The following SUPT3H variants were observed in gnomAD, a reference collection of about 807,000 sequenced individuals.
The protein encoded by SUPT3H is SPT3 homolog, SAGA and STAGA complex component, also known as transcription initiation protein SPT3 homolog.
Under a neutral mutation model 44.3 loss-of-function variants are expected in SUPT3H, and 44 were observed. The observed-to-expected ratio is 0.99, with a 90% CI of 0.78 to 1.28. The LOEUF is 1.28. SUPT3H is among the 50% of genes most tolerant of loss of function. The pLI is 0.00. For synonymous variants in SUPT3H, 124 were observed against 125.6 expected (o/e 0.99, Z 0.09); for missense variants, 380 against 387.1 (o/e 0.98, Z 0.15).
chr6:44,970,307 T>A (rs561162558), intron 6 of SUPT3H, among the ~76,000 whole-genome samples: 6 of 152,268 alleles, frequency 3.9e-5, no homozygotes, highest in African/African-American at 1.4e-4. Flanking sequence ...ATATTTCCCA[T>A]CTTGGGATAA....
Position 45,018,243 on chromosome 6 carries a change from T to C in SUPT3H, c.273+2303A>G, listed in dbSNP as rs1012539275. Among the ~76,000 whole-genome samples the C allele has an allele frequency of 1.6e-4, 24 of 152,202 alleles. 1 individual carries two copies. Among genetic ancestry groups the C allele is most frequent in the Non-Finnish European group, 3.5e-4 (24 of 68,040 alleles). On this transcript the variant is annotated intron_variant, in intron 4 of 10. Coordinates refer to ENST00000371459, the MANE Select transcript of SUPT3H (RefSeq NM_003599.4). ...GTTGCTTATCAACTTAAGGAGATTT[T>C]GGGCTGAGACGATGGGGTTTTCTAG... is the stretch of plus-strand genomic sequence containing the variant.
At chr6:45,077,626 C>CAAAAAAAAAAAAAAAAAAAAAA (rs70993493) in intron 3 of SUPT3H, among the ~76,000 whole-genome samples, 52 of 33,996 alleles carry the variant, frequency 1.5e-3, no homozygotes, top group Non-Finnish European at 2.0e-3. Flanking sequence ...GACCTTGTTT[C>CAAAAAAAAAAAAAAAAAAAAAA]AAAAAAAAAA....
chr6:44,860,549 C>A (rs1774481162), intron 10 of SUPT3H, among the ~76,000 whole-genome samples: 2 of 152,264 alleles, frequency 1.3e-5, no homozygotes, highest in Non-Finnish European at 2.9e-5. Flanking sequence ...AACCAGGTCT[C>A]CCGACTCTTA....
At chr6:45,200,884 G>A (rs77865639) in intron 2 of SUPT3H, among the ~76,000 whole-genome samples, 3,726 of 151,480 alleles carry the variant, frequency 0.025, 158 homozygotes, top group African/African-American at 0.083. Context: ...GGTAATAAAT[G>A]TACCTTATTT....
chr6:45,105,717 ATAAGT>A (rs1320729993), intron 3 of SUPT3H, among the ~76,000 whole-genome samples, 200 bp downstream of exon 3: 1 of 152,236 alleles, frequency 6.6e-6, no homozygotes, highest in Admixed American at 6.5e-5. Flanking sequence ...TGATTGTGTT[ATAAGT>A]TAATATTATA....
At chr6:45,343,367 T>C (rs1790222300) in intron 2 of SUPT3H, among the ~76,000 whole-genome samples, 1 of 152,138 alleles carries the variant, frequency 6.6e-6, no homozygotes, top group East Asian at 1.9e-4. Flanking sequence ...TCACTTGATC[T>C]GTTTCAGAGT....
intron 10 of SUPT3H, among the ~76,000 whole-genome samples, chr6:44,877,138 A>G (rs1278998119): frequency 6.6e-6 from 1 of 152,132 alleles, no homozygotes; most frequent in East Asian, 1.9e-4. Context: ...GCCATTCAAC[A>G]TTTTACAAAA....
intron 6 of SUPT3H, among the ~76,000 whole-genome samples, chr6:44,962,974 A>G (rs544274388): frequency 5.9e-5 from 9 of 151,716 alleles, no homozygotes; most frequent in Non-Finnish European, 1.3e-4. Flanking sequence ...ATCCAAGTCT[A>G]TCTTGGTTAT....
At chr6:45,307,682 A>G (rs569148005) in intron 2 of SUPT3H, among the ~76,000 whole-genome samples, 1 of 152,302 alleles carries the variant, frequency 6.6e-6, no homozygotes, top group African/African-American at 2.4e-5. Flanking sequence ...AGCAGAACAG[A>G]AAAACTGAAA....
intron 5 of SUPT3H, among the ~76,000 whole-genome samples, chr6:45,005,042 A>T (rs943987945): frequency 2.6e-5 from 4 of 152,182 alleles, no homozygotes; most frequent in Admixed American, 6.6e-5. Context: ...TGTTTATGGC[A>T]TAGATTCACA....
intron 3 of SUPT3H, among the ~76,000 whole-genome samples, chr6:45,059,782 G>C (rs112166566): frequency 0.047 from 7,134 of 152,008 alleles, 573 homozygotes; most frequent in African/African-American, 0.16. Flanking sequence ...AAAATCACTA[G>C]TATTCCTATA....
At chr6:45,175,406 G>A (rs1163881888) in intron 2 of SUPT3H, among the ~76,000 whole-genome samples, 1 of 152,200 alleles carries the variant, frequency 6.6e-6, no homozygotes, top group African/African-American at 2.4e-5. Context: ...GAAGGAAGAA[G>A]TGCTGAGCAA....
intron 10 of SUPT3H, among the ~76,000 whole-genome samples, chr6:44,929,458 C>T (rs1230486232): frequency 2.6e-5 from 4 of 152,112 alleles, no homozygotes; most frequent in African/African-American, 9.7e-5. Context: ...TTTGGGATGA[C>T]ATGCTATGAA....
intron 10 of SUPT3H, among the ~76,000 whole-genome samples, chr6:44,907,332 T>C (rs1766270202): frequency 6.6e-6 from 1 of 152,176 alleles, no homozygotes; most frequent in Non-Finnish European, 1.5e-5. Flanking sequence ...GTATTAGCAT[T>C]GTACAATGGA....
rs16872755 is a variant in SUPT3H, at chr6:44,867,635, T to G, written c.913-37778A>C. Among the ~76,000 whole-genome samples, 1,725 of 152,196 alleles carry G rather than the reference T, an allele frequency of 0.011. 98 individuals carry two copies. The East Asian group carries it at 0.13, about 12-fold the overall frequency. On this transcript the variant is annotated intron_variant, in intron 10 of 10. Coordinates refer to ENST00000371459, the MANE Select transcript of SUPT3H (RefSeq NM_003599.4). ...TAGAATCACAGCCTACATGTGCAAG[T>G]CTATAACAAACCTGCATGACACACA...
At chr6:45,207,828 A>G (rs934669238) in intron 2 of SUPT3H, among the ~76,000 whole-genome samples, 1 of 151,952 alleles carries the variant, frequency 6.6e-6, no homozygotes, top group Non-Finnish European at 1.5e-5. Flanking sequence ...CCCATCTCAC[A>G]CCCTCTCCTG....
At chr6:44,836,059 C>A (rs1428111470) in intron 10 of SUPT3H, among the ~76,000 whole-genome samples, 1 of 152,058 alleles carries the variant, frequency 6.6e-6, no homozygotes, top group East Asian at 1.9e-4. Context: ...ATAAAATATG[C>A]CCCTTTCTTT....
At position 45,181,056 on chromosome 6, in the gene SUPT3H, G is replaced by T. The variant is rs573853997; in HGVS notation, c.102-75050C>A. On this transcript the variant is annotated intron_variant, in intron 2 of 10. Coordinates refer to ENST00000371459, the MANE Select transcript of SUPT3H (RefSeq NM_003599.4). ...CAACCCCATCAAAAAGTGGGTGAAG[G>T]ATATGAACAGACACTTCTCAAAAGA... 2.5e-3 allele frequency among the ~76,000 whole-genome samples: 378 copies of T among 151,838 alleles called. 1 individual carries two copies. The highest frequency in any genetic ancestry group is 6.1e-3 in the Admixed American group (93 of 15,238).
At chr6:45,349,162 C>T (rs1791523569) in intron 2 of SUPT3H, among the ~76,000 whole-genome samples, 1 of 152,100 alleles carries the variant, frequency 6.6e-6, no homozygotes, top group Non-Finnish European at 1.5e-5. Flanking sequence ...GGGACAACTA[C>T]ACTAGAGGGG....
Sources: gnomAD v4.1 joint callset for allele counts (sites outside exome capture counted in the v4.1 genomes callset) on GRCh38, gnomAD v4.1.1 for gene constraint, MANE v1.5 for transcripts, NCBI Gene and HGNC (gene_info 2026-07-23, HGNC 2026-07-21) for gene names.